Variants in BCLAF1 observed in about 807,000 individuals in gnomAD.
BCLAF1 encodes bcl-2-associated transcription factor 1.
A neutral mutation model predicts 99.5 loss-of-function variants in BCLAF1; 10 were observed. The observed-to-expected ratio is 0.10, with a 90% CI of 0.06 to 0.17. The LOEUF is 0.17. Among genes scored for constraint, BCLAF1 ranks in the 10% least tolerant of loss-of-function variants. The probability of loss-of-function intolerance (pLI) is 1.00; values close to 1 mark genes in which losing one functional copy is unlikely to be tolerated. For missense variants in BCLAF1, 636 were observed against 1,105.8 expected (o/e 0.58, Z 6.02); for synonymous variants, 255 against 370.9 (o/e 0.69, Z 3.59).
At chr6:136,274,687 T>C (rs1783010055) in intron 6 of BCLAF1, among the ~76,000 whole-genome samples, 1 of 152,044 alleles carries the variant, frequency 6.6e-6, no homozygotes, top group Non-Finnish European at 1.5e-5. Context: ...CCAACAGTCT[T>C]TGAAGTTCCT....
chr6:136,289,548 G>C (rs556386635), intron 1 of BCLAF1, among the ~76,000 whole-genome samples, 165 bp downstream of exon 1: 3 of 152,250 alleles, frequency 2.0e-5, no homozygotes, highest in Admixed American at 6.5e-5. Flanking sequence ...GTAGTGCCTC[G>C]AAAACCTGAG....
At chr6:136,283,494 T>C (rs911157314) in intron 1 of BCLAF1, among the ~76,000 whole-genome samples, 3 of 152,208 alleles carry the variant, frequency 2.0e-5, no homozygotes, top group African/African-American at 7.2e-5. Flanking sequence ...AAATAAACTT[T>C]GCACAAAATA....
intron 1 of BCLAF1, among the ~76,000 whole-genome samples, chr6:136,285,884 G>C (rs1218909692): frequency 6.6e-6 from 1 of 152,132 alleles, no homozygotes; most frequent in Non-Finnish European, 1.5e-5. Context: ...CGGATCCTGA[G>C]GTTAGGAGTT....
chr6:136,262,425 TA>T (rs1781133687), intron 11 of BCLAF1, among the ~76,000 whole-genome samples: 1 of 152,262 alleles, frequency 6.6e-6, no homozygotes, highest in East Asian at 1.9e-4. Flanking sequence ...CAAAAGCCAC[TA>T]AAACTTTTTT....
intron 1 of BCLAF1, among the ~76,000 whole-genome samples, chr6:136,287,033 G>C (rs1176408383): frequency 6.6e-6 from 1 of 151,960 alleles, no homozygotes; most frequent in Non-Finnish European, 1.5e-5. Flanking sequence ...CCAGCTACTG[G>C]GGAGGCTGAA....
At chr6:136,267,789 G>A (rs1238071972) in intron 10 of BCLAF1, among the ~76,000 whole-genome samples, 3 of 151,984 alleles carry the variant, frequency 2.0e-5, no homozygotes, top group Non-Finnish European at 4.4e-5. Context: ...CAAAATGAAT[G>A]TAACTGTAAT....
intron 2 of BCLAF1, among the ~76,000 whole-genome samples, chr6:136,282,379 C>T (rs1784490191): frequency 6.6e-6 from 1 of 151,942 alleles, no homozygotes; most frequent in African/African-American, 2.4e-5. Flanking sequence ...AAAGCAGGAG[C>T]ACAACCTGGA....
At chr6:136,286,647 C>T (rs1785171288) in intron 1 of BCLAF1, among the ~76,000 whole-genome samples, 1 of 152,186 alleles carries the variant, frequency 6.6e-6, no homozygotes, top group African/African-American at 2.4e-5. Context: ...CATTAATCAG[C>T]ATCATTTAGA....
chr6:136,271,931 T>A, intron 8 of BCLAF1, 64 bp downstream of exon 8: 2 of 1,197,262 alleles, frequency 1.7e-6, no homozygotes, highest in Non-Finnish European at 2.4e-6. Context: ...AGAAACTATA[T>A]TTGGTACAAT....
At chr6:136,262,154 C>A (rs975692096) in intron 11 of BCLAF1, among the ~76,000 whole-genome samples, 10 of 152,052 alleles carry the variant, frequency 6.6e-5, no homozygotes, top group African/African-American at 2.2e-4. Flanking sequence ...TACAGATGAT[C>A]CCCAAATTAT....
intron 8 of BCLAF1, among the ~76,000 whole-genome samples, chr6:136,270,736 T>C (rs976370511): frequency 1.3e-5 from 2 of 151,846 alleles, no homozygotes; most frequent in Non-Finnish European, 2.9e-5. Context: ...TAAAAACCAA[T>C]GGCATATCCT....
rs1005883346 is a variant in BCLAF1 at position 136,256,703 on chromosome 6, A to C, written c.*4407T>G. 1 of 162,428 alleles carries C rather than the reference A, an allele frequency of 6.2e-6. No individual in the cohort carries two copies. The highest frequency in any genetic ancestry group is 1.3e-5 in the Non-Finnish European group (1 of 78,514). The allele number at this position is 162,428 out of a possible 1,614,324, so 10.1% of individuals were successfully genotyped here. On this transcript the variant is annotated 3_prime_UTR_variant, in exon 13 of 13. Transcript: ENST00000531224. ...AATAAATAAATAAATAAATAAATAAATAAATAATTCAAAGTGCATTTAACA... is the reference window on the plus strand; with the variant it reads ...AATAAATAAATAAATAAATAAATAACTAAATAATTCAAAGTGCATTTAACA...
At chr6:136,283,851 T>C (rs1486003763) in intron 1 of BCLAF1, among the ~76,000 whole-genome samples, 2 of 151,948 alleles carry the variant, frequency 1.3e-5, no homozygotes, top group Non-Finnish European at 1.5e-5. Context: ...ACTAAAAAAG[T>C]AGCAAAGTCA....
chr6:136,260,998 TG>T lies in BCLAF1; in HGVS notation c.*111del. On this transcript the variant is annotated 3_prime_UTR_variant, in exon 13 of 13. Transcript: ENST00000531224. ...TAAAACAAAATTTCTATAGACTACT[TG>T]CAAACAGTAAAATTTAAGTAAAATG... is the stretch of plus-strand genomic sequence containing the variant. The T allele has an allele frequency of 8.1e-7, 1 of 1,227,914 alleles. No individual in the cohort carries two copies. Among genetic ancestry groups the T allele is most frequent in the Non-Finnish European group, 1.1e-6 (1 of 893,508 alleles). The allele number at this position is 1,227,914 out of a possible 1,614,324, so 76.1% of individuals were successfully genotyped here. A position where few individuals can be genotyped will look rare whatever the true frequency, so the allele number is the denominator to read the frequency against.
chr6:136,279,692 T>C (rs1200396797), intron 3 of BCLAF1, 71 bp downstream of exon 3: 34 of 1,330,038 alleles, frequency 2.6e-5, no homozygotes, highest in Non-Finnish European at 3.3e-5. Context: ...TTTAGCACTG[T>C]GTTTACGATA....
In BCLAF1 at chr6:136,273,747, T is replaced by C. The variant is rs1782874246; in HGVS notation, c.1853-560A>G. ...CAATAATTACTCCAAAAATCTGGCA[T>C]CTTGGCAAACCCAACAGCAAATTTG... On this transcript the variant is annotated intron_variant, in intron 6 of 12. Transcript: ENST00000531224. Among the ~76,000 whole-genome samples, 3 of 152,026 alleles carry C rather than the reference T, an allele frequency of 2.0e-5. 1 individual carries two copies. The South Asian group carries it at 6.2e-4, about 31-fold the overall frequency.
At chr6:136,288,212 C>T (rs703193) in intron 1 of BCLAF1, among the ~76,000 whole-genome samples, 38,031 of 152,130 alleles carry the variant, frequency 0.25, 6,340 homozygotes, top group African/African-American at 0.48. Flanking sequence ...CTGGTTGAAA[C>T]ATGAAATCAC....
chr6:136,273,029 G>A (rs1782749125), intron 7 of BCLAF1, 53 bp downstream of exon 7: 2 of 1,339,250 alleles, frequency 1.5e-6, no homozygotes, highest in African/African-American at 2.9e-5. Context: ...TGTTTTAACA[G>A]TGTCTTCCTA....
chr6:136,287,924 G>A (rs141886912), intron 1 of BCLAF1, among the ~76,000 whole-genome samples: 1 of 152,168 alleles, frequency 6.6e-6, no homozygotes, highest in Non-Finnish European at 1.5e-5. Flanking sequence ...GGGAGGCTGA[G>A]GCAGGAGAAT....
Sources: allele counts gnomAD v4.1 joint callset (sites outside exome capture counted in the v4.1 genomes callset), GRCh38; gene constraint gnomAD v4.1.1; transcripts MANE v1.5; gene names NCBI Gene and HGNC (gene_info 2026-07-23, HGNC 2026-07-21).